KCNC1: variants seen among roughly 807,000 people sequenced by gnomAD.
KCNC1 encodes the protein potassium voltage-gated channel subfamily C member 1.
KCNC1 carries 8 observed loss-of-function variants against 43.4 expected under a neutral mutation model. The observed-to-expected ratio is 0.18, with a 90% CI of 0.11 to 0.33. The LOEUF is 0.33. Among genes scored for constraint, KCNC1 ranks in the 10% least tolerant of loss-of-function variants. KCNC1 has a pLI of 1.00. For missense variants in KCNC1, 420 were observed against 836.0 expected, an observed-to-expected ratio of 0.50 and a Z score of 6.14; for synonymous variants, 361 against 360.5, an observed-to-expected ratio of 1.00 and a Z score of -0.01.
intron 1 of KCNC1, among the ~76,000 whole-genome samples, chr11:17,764,358 C>A (rs1229632975): frequency 6.6e-6 from 1 of 150,702 alleles, no homozygotes; most frequent in Non-Finnish European, 1.5e-5. Flanking sequence ...CCCACACACC[C>A]CATACATGTC....
rs947205353 is a variant in KCNC1 at position 17,779,001 on chromosome 11, C to T, written c.1505-455C>T. Reference sequence around the variant, plus strand: ...TGGCTGGCTGTGGACGGGAGGCAGCCGGGCTCTGGTCAGCAGCAGAGGGGT... The same window carrying T: ...TGGCTGGCTGTGGACGGGAGGCAGCTGGGCTCTGGTCAGCAGCAGAGGGGT... On this transcript the variant is annotated intron_variant, in intron 2 of 3. Transcript: ENST00000265969. The surrounding 1 kb of genome is among the most constrained non-coding windows in gnomAD (Gnocchi z 7.2). Among the ~76,000 whole-genome samples, 15 of 152,008 alleles carry T rather than the reference C, an allele frequency of 9.9e-5. No homozygotes were observed. Among genetic ancestry groups the T allele is most frequent in the African/African-American group, 1.2e-4 (5 of 41,486 alleles).
intron 3 of KCNC1, chr11:17,780,674 A>G (rs937861553): frequency 1.3e-5 from 2 of 152,292 alleles, no homozygotes; most frequent in African/African-American, 4.8e-5. Flanking sequence ...GTCATTCACA[A>G]CTGCTCCAGT....
chr11:17,775,982 GA>G, intron 2 of KCNC1: 6 of 985,416 alleles, frequency 6.1e-6, no homozygotes, highest in Non-Finnish European at 7.2e-6. Flanking sequence ...GCTATCCATG[GA>G]GGGGGGAGGG....
chr11:17,774,178 T>G (rs185298343), intron 2 of KCNC1: 1 of 985,316 alleles, frequency 1.0e-6, no homozygotes, highest in Admixed American at 6.1e-5. Context: ...TGGCCAGGGG[T>G]CTCCGAGGCT....
chr11:17,751,655 C>G (rs1848969855), intron 1 of KCNC1, among the ~76,000 whole-genome samples: 2 of 152,110 alleles, frequency 1.3e-5, no homozygotes, highest in African/African-American at 4.8e-5. Flanking sequence ...AGGGACTGGC[C>G]CACTCTCAAA....
Position 17,735,961 on chromosome 11 carries a change from A to T in KCNC1, c.-42A>T, listed in dbSNP as rs1848760653. On this transcript the variant is annotated 5_prime_UTR_variant, in exon 1 of 4. The change abolishes an upstream ATG in the 5' untranslated region. Coordinates refer to ENST00000265969, the MANE Select transcript of KCNC1 (RefSeq NM_001112741.2). The surrounding 1 kb of genome is among the most constrained non-coding windows in gnomAD (Gnocchi z 6.7). The stretch of plus-strand genomic sequence containing the variant: ...CCAACTCCCCCTGGCGGCCGCTCCC[A>T]TGGGTGTCGCTGGGCCGCGCCATGC... 1 of 1,394,674 alleles carries T rather than the reference A, an allele frequency of 7.2e-7. No homozygotes were observed. Among genetic ancestry groups the T allele is most frequent in the Non-Finnish European group, 9.2e-7 (1 of 1,082,960 alleles). The allele number at this position is 1,394,674 out of a possible 1,614,324, so 86.4% of individuals were successfully genotyped here.
intron 1 of KCNC1, among the ~76,000 whole-genome samples, chr11:17,763,244 G>C (rs1416193942): frequency 6.6e-6 from 1 of 151,954 alleles, no homozygotes; most frequent in Non-Finnish European, 1.5e-5. Context: ...GGAGATGCAG[G>C]GGGCTCCTGA....
At position 17,739,586 on chromosome 11, in the gene KCNC1, C is replaced by T. The variant is rs553151969; in HGVS notation, c.570+3014C>T. Among the ~76,000 whole-genome samples, 3 of 150,562 alleles carry T rather than the reference C, an allele frequency of 2.0e-5. No individual in the cohort carries two copies. The highest frequency in any genetic ancestry group is 4.9e-5 in the African/African-American group (2 of 40,742). On this transcript the variant is annotated intron_variant, in intron 1 of 3. Transcript: ENST00000265969. This position sits in a 1 kb window ranked among gnomAD's most constrained non-coding sequence, Gnocchi z 4.2. ...TGCTGTGTGTGAGGTTTGGAGAGTGCGTGAGAGTCGAGGTGAGTGTGTCTG... is the reference window on the plus strand; with the variant it reads ...TGCTGTGTGTGAGGTTTGGAGAGTGTGTGAGAGTCGAGGTGAGTGTGTCTG...
intron 1 of KCNC1, among the ~76,000 whole-genome samples, chr11:17,747,027 C>T (rs1389750464): frequency 6.6e-6 from 1 of 152,198 alleles, no homozygotes; most frequent in African/African-American, 2.4e-5. Context: ...GCTCTCGGCC[C>T]TGCGAGATTC....
At chr11:17,756,558 C>A (rs867784992) in intron 1 of KCNC1, among the ~76,000 whole-genome samples, 10 of 148,902 alleles carry the variant, frequency 6.7e-5, no homozygotes, top group African/African-American at 2.2e-4. Context: ...CACACACACA[C>A]GCATGTACAT....
Position 17,768,362 on chromosome 11 carries a change from C to T in KCNC1, c.571-3303C>T, listed in dbSNP as rs79677416. On this transcript the variant is annotated intron_variant, in intron 1 of 3. Transcript: ENST00000265969. ...TGGTCAGAAATGGCAGAGAGCTGCA[C>T]ATGGCAAGAATGTTGGGTGCATGCA... Among the ~76,000 whole-genome samples the T allele has an allele frequency of 2.0e-3, 307 of 152,272 alleles. 3 individuals carry two copies. The highest frequency in any genetic ancestry group is 7.1e-3 in the African/African-American group (294 of 41,546).
intron 1 of KCNC1, among the ~76,000 whole-genome samples, chr11:17,761,714 G>A (rs141537514): frequency 2.5e-3 from 382 of 152,324 alleles, no homozygotes; most frequent in Non-Finnish European, 4.5e-3. Context: ...TGCCTAGCAT[G>A]TGGGTCTTAT....
chr11:17,763,259 G>A (rs2133797242), intron 1 of KCNC1, among the ~76,000 whole-genome samples: 1 of 152,022 alleles, frequency 6.6e-6, no homozygotes, highest in Admixed American at 6.5e-5. Flanking sequence ...TCCTGAGCTG[G>A]GCCGGCTCAG....
chr11:17,770,150 C>T (rs1230381180), intron 1 of KCNC1, among the ~76,000 whole-genome samples: 2 of 152,254 alleles, frequency 1.3e-5, no homozygotes, highest in Non-Finnish European at 2.9e-5. Context: ...GGGGGAGGGG[C>T]ATCACTGCAA....
chr11:17,755,804 G>C (rs979716319), intron 1 of KCNC1, among the ~76,000 whole-genome samples: 2 of 152,182 alleles, frequency 1.3e-5, no homozygotes, highest in African/African-American at 4.8e-5. Flanking sequence ...GGCTGGGCTG[G>C]AGATAAGCCT....
intron 1 of KCNC1, among the ~76,000 whole-genome samples, chr11:17,753,696 G>A (rs1340599362): frequency 2.6e-5 from 4 of 152,186 alleles, no homozygotes; most frequent in Non-Finnish European, 2.9e-5. Flanking sequence ...GCCAGGCCCC[G>A]GCGTGGGGGG....
chr11:17,775,153 C>T (rs1468102652), intron 2 of KCNC1: 1 of 985,580 alleles, frequency 1.0e-6, no homozygotes, highest in African/African-American at 1.7e-5. Context: ...ATGCAGCCCC[C>T]CAAGGCCTTT....
In KCNC1 at chr11:17,742,943, C is replaced by T. The variant is rs1182276652; in HGVS notation, c.570+6371C>T. Among the ~76,000 whole-genome samples, 1 of 152,184 alleles carries T rather than the reference C, an allele frequency of 6.6e-6. No homozygotes were observed. The highest frequency in any genetic ancestry group is 2.4e-5 in the African/African-American group (1 of 41,442). On this transcript the variant is annotated intron_variant, in intron 1 of 3. Coordinates refer to ENST00000265969, the MANE Select transcript of KCNC1 (RefSeq NM_001112741.2). The surrounding 1 kb of genome is among the most constrained non-coding windows in gnomAD (Gnocchi z 4.2). ...TGGGGGAAGTGGAATACACAGATAC[C>T]TGCATTCCAAGGACACGGCACAGCT... is the stretch of plus-strand genomic sequence containing the variant.
intron 1 of KCNC1, among the ~76,000 whole-genome samples, chr11:17,743,097 T>C (rs1450804151): frequency 6.6e-6 from 1 of 152,146 alleles, no homozygotes; most frequent in Non-Finnish European, 1.5e-5. Flanking sequence ...AAGGACTTGA[T>C]TTATATATCC....
Sources: gnomAD v4.1 joint callset for allele counts (sites outside exome capture counted in the v4.1 genomes callset) on GRCh38, gnomAD v4.1.1 for gene constraint, Gnocchi (gnomAD v3.1) non-coding constraint, MANE v1.5 for transcripts, NCBI Gene and HGNC (gene_info 2026-07-23, HGNC 2026-07-21) for gene names.